CERKL: variants seen among roughly 807,000 people sequenced by gnomAD.
The protein encoded by CERKL is CERK like autophagy regulator.
Under a neutral mutation model 63.4 loss-of-function variants are expected in CERKL, and 61 were observed. The observed-to-expected ratio is 0.96, with a 90% CI of 0.78 to 1.19. The LOEUF (loss-of-function observed/expected upper bound fraction) is 1.19, where lower values mean the gene tolerates loss of function less well. Among genes scored for constraint, CERKL ranks in the 50% most tolerant of loss-of-function variants. The pLI, the probability that CERKL is intolerant of heterozygous loss-of-function variation, is 0.00. For missense variants in CERKL, 675 were observed against 655.5 expected (o/e 1.03, Z -0.33); for synonymous variants, 250 against 230.5 (o/e 1.08, Z -0.77).
At chr2:181,634,088 T>A (rs1456938531) in intron 1 of CERKL, among the ~76,000 whole-genome samples, 1 of 152,176 alleles carries the variant, frequency 6.6e-6, no homozygotes, top group Non-Finnish European at 1.5e-5. Flanking sequence ...AAAAAGGTAT[T>A]TTTAAAATAA....
chr2:181,647,459 C>A (rs567711762), intron 1 of CERKL, among the ~76,000 whole-genome samples: 1 of 152,088 alleles, frequency 6.6e-6, no homozygotes, highest in Non-Finnish European at 1.5e-5. Context: ...AAAACTATAC[C>A]ACCATCAAAA....
At chr2:181,567,175 A>G (rs1052151411) in intron 3 of CERKL, among the ~76,000 whole-genome samples, 1 of 152,290 alleles carries the variant, frequency 6.6e-6, no homozygotes, top group East Asian at 1.9e-4. Context: ...ATTAAATTCC[A>G]ATCAGAAGAA....
At chr2:181,542,220 CTCTA>C (rs1396794888) in intron 11 of CERKL, among the ~76,000 whole-genome samples, 2 of 152,152 alleles carry the variant, frequency 1.3e-5, no homozygotes, top group Non-Finnish European at 2.9e-5. Flanking sequence ...AGTGTTCAGC[CTCTA>C]TCTAATTTTA....
intron 2 of CERKL, among the ~76,000 whole-genome samples, chr2:181,600,119 A>G (rs1417522318): frequency 6.6e-6 from 1 of 152,208 alleles, no homozygotes; most frequent in Non-Finnish European, 1.5e-5. Flanking sequence ...TTCATAAATG[A>G]AGGAGAAATA....
chr2:181,636,087 A>G (rs1319372635), intron 1 of CERKL, among the ~76,000 whole-genome samples: 1 of 152,138 alleles, frequency 6.6e-6, no homozygotes, highest in Admixed American at 6.6e-5. Context: ...TTCAGGAGCA[A>G]TTTCTCCAGT....
At chr2:181,622,909 G>C (rs765957287) in intron 1 of CERKL, among the ~76,000 whole-genome samples, 5 of 152,198 alleles carry the variant, frequency 3.3e-5, no homozygotes, top group Admixed American at 6.5e-5. Context: ...CTGGAGAACT[G>C]TTTGAGAATG....
chr2:181,545,266 A>C (rs187850068), intron 10 of CERKL, among the ~76,000 whole-genome samples: 139 of 152,328 alleles, frequency 9.1e-4, no homozygotes, highest in African/African-American at 3.0e-3. Context: ...ATAGGAAATG[A>C]AATAAATCAA....
At chr2:181,652,340 T>C (rs1464243952) in intron 1 of CERKL, among the ~76,000 whole-genome samples, 3 of 152,176 alleles carry the variant, frequency 2.0e-5, no homozygotes. Flanking sequence ...AATAAATTTT[T>C]GCACCTACAA....
At position 181,537,467 on chromosome 2, in the gene CERKL, A is replaced by G. The variant is rs1261578089; in HGVS notation, c.*717T>C. 4.4e-6 allele frequency: 2 copies of G among 450,264 alleles called. No individual in the cohort carries two copies. The highest frequency in any genetic ancestry group is 1.6e-5 in the South Asian group (1 of 64,070). The allele number at this position is 450,264 out of a possible 1,614,324, so 27.9% of individuals were successfully genotyped here. Reference sequence around the variant, plus strand: ...ATGAATTTTAAAACCCTACCACTTTAAGAAGACAGGGATGGGTTATTCTTT... The same window carrying G: ...ATGAATTTTAAAACCCTACCACTTTGAGAAGACAGGGATGGGTTATTCTTT... On this transcript the variant is annotated 3_prime_UTR_variant, in exon 13 of 13. Transcript: ENST00000410087.
Position 181,657,089 on chromosome 2 carries a change from T to C in CERKL, c.-83A>G, listed in dbSNP as rs1574078212. On this transcript the variant is annotated 5_prime_UTR_variant, in exon 1 of 13. Coordinates refer to ENST00000410087, the MANE Select transcript of CERKL (RefSeq NM_201548.5). ...GTGGAGGGCGCGGCAGCCCCAGCTC[T>C]AGCCGCGTCCAGCGCTGCCACAGCA... 2.3e-6 allele frequency: 3 copies of C among 1,287,986 alleles called. No homozygotes were observed. The allele number at this position is 1,287,986 out of a possible 1,614,324, so 79.8% of individuals were successfully genotyped here.
intron 12 of CERKL, 61 bp from the exon 13 acceptor site, chr2:181,538,305 A>G: frequency 1.1e-6 from 1 of 946,326 alleles, no homozygotes; most frequent in Non-Finnish European, 1.7e-6. Flanking sequence ...ACACCTAATA[A>G]GTATGGTACA....
chr2:181,591,107 T>C (rs1684972804), intron 2 of CERKL, among the ~76,000 whole-genome samples: 3 of 152,052 alleles, frequency 2.0e-5, no homozygotes, highest in South Asian at 2.1e-4. Flanking sequence ...CGATATGGAG[T>C]GATTTCCAGT....
chr2:181,612,096 A>G (rs1366069708), intron 1 of CERKL, among the ~76,000 whole-genome samples: 1 of 152,222 alleles, frequency 6.6e-6, no homozygotes, highest in Non-Finnish European at 1.5e-5. Flanking sequence ...CTAAAAGAGA[A>G]GAAACTGAAG....
At chr2:181,630,967 C>CA (rs1206031247) in intron 1 of CERKL, among the ~76,000 whole-genome samples, 1 of 152,086 alleles carries the variant, frequency 6.6e-6, no homozygotes, top group Admixed American at 6.5e-5. Context: ...TATTTAACGC[C>CA]AATGAGTGAA....
intron 4 of CERKL, among the ~76,000 whole-genome samples, chr2:181,564,763 T>A (rs1324106138): frequency 1.3e-5 from 2 of 152,166 alleles, no homozygotes; most frequent in Non-Finnish European, 2.9e-5. Flanking sequence ...GCTACCTTCA[T>A]GTACTCATGA....
intron 10 of CERKL, among the ~76,000 whole-genome samples, chr2:181,545,066 C>T (rs189624891): frequency 1.3e-5 from 2 of 152,212 alleles, no homozygotes; most frequent in African/African-American, 2.4e-5. Flanking sequence ...AACCATCAAG[C>T]GTCCTACTCA....
intron 1 of CERKL, among the ~76,000 whole-genome samples, chr2:181,618,533 T>G (rs757447637): frequency 1.7e-4 from 26 of 152,030 alleles, no homozygotes; most frequent in Non-Finnish European, 3.8e-4. Flanking sequence ...TTCTCGTGCC[T>G]CAGCCTCCTG....
At chr2:181,617,083 C>G (rs1686228707) in intron 1 of CERKL, among the ~76,000 whole-genome samples, 2 of 152,072 alleles carry the variant, frequency 1.3e-5, no homozygotes, top group South Asian at 4.1e-4. Flanking sequence ...AGGTGGAGCA[C>G]CAAATTTTAC....
In CERKL at chr2:181,550,138, C is replaced by G. The variant is rs964129004; in HGVS notation, c.821-430G>C. Reference sequence around the variant, plus strand: ...AAAGAGAAAATAATCCAAATAATAACTCAGAAAAATAAAATAACTACAAAC... The same window carrying G: ...AAAGAGAAAATAATCCAAATAATAAGTCAGAAAAATAAAATAACTACAAAC... On this transcript the variant is annotated intron_variant, in intron 5 of 12. Coordinates refer to ENST00000410087, the MANE Select transcript of CERKL (RefSeq NM_201548.5). This position sits in a 1 kb window ranked among gnomAD's most constrained non-coding sequence, Gnocchi z 4.5. 1.1e-4 allele frequency among the ~76,000 whole-genome samples: 17 copies of G among 152,042 alleles called. No homozygotes were observed. Among genetic ancestry groups the G allele is most frequent in the African/African-American group, 2.7e-4 (11 of 41,412 alleles).
Sources: allele counts gnomAD v4.1 joint callset (sites outside exome capture counted in the v4.1 genomes callset), GRCh38; gene constraint gnomAD v4.1.1; non-coding constraint Gnocchi (gnomAD v3.1); transcripts MANE v1.5; gene names NCBI Gene and HGNC (gene_info 2026-07-23, HGNC 2026-07-21).